PRRC2C: variants seen among roughly 807,000 people sequenced by gnomAD.
PRRC2C encodes protein PRRC2C.
A neutral mutation model predicts 317.2 loss-of-function variants in PRRC2C; 72 were observed. The observed-to-expected ratio is 0.23, with a 90% CI of 0.19 to 0.28. The LOEUF is 0.28. Among genes scored for constraint, PRRC2C ranks in the 10% least tolerant of loss-of-function variants. PRRC2C has a pLI of 1.00. For missense variants in PRRC2C, 3,074 were observed against 3,459.7 expected (o/e 0.89, Z 2.80); for synonymous variants, 1,296 against 1,205.9 (o/e 1.07, Z -1.55).
Position 171,550,181 on chromosome 1 carries a change from AAAC to A in PRRC2C, c.5074_5076del (p.Gln1692del), listed in dbSNP as rs1181128734. The A allele has an allele frequency of 1.9e-6, 3 of 1,607,474 alleles. No homozygotes were observed. Among genetic ancestry groups the A allele is most frequent in the Non-Finnish European group, 2.5e-6 (3 of 1,176,522 alleles). ...TGGTTTTACTGAAGTGGTATCCAAA[AAAC>A]AACAAAAACGTTTACAGGATGAAGA... On this transcript the variant is annotated inframe_deletion, in exon 18 of 35. Coordinates refer to ENST00000647382, the MANE Select transcript of PRRC2C (RefSeq NM_001387844.1).
intron 11 of PRRC2C, among the ~76,000 whole-genome samples, chr1:171,529,967 C>T (rs1675466460): frequency 6.6e-6 from 1 of 152,162 alleles, no homozygotes; most frequent in Non-Finnish European, 1.5e-5. Flanking sequence ...ACCATCGTTT[C>T]CAGCAATCCC....
Position 171,524,949 on chromosome 1 carries a change from G to A in PRRC2C, c.1184G>A (p.Gly395Glu). The A allele has an allele frequency of 6.2e-7, 1 of 1,606,718 alleles. No individual in the cohort carries two copies. Among genetic ancestry groups the A allele is most frequent in the East Asian group, 2.2e-5 (1 of 44,746 alleles). The change falls in exon 10 of 35, where the codon GGA (glycine) becomes GAA (glutamate). Residue 395 changes from glycine to glutamate, a missense_variant. Around this residue, in one of 11 missense-constraint regions of PRRC2C, gnomAD observed 1,320 missense variants for 1,395.7 expected, o/e 0.95. Transcript: ENST00000647382. Reference protein sequence around the residue: ...PSVAKVPYGKGPSFNQERGTS... With the variant: ...PSVAKVPYGKEPSFNQERGTS... ...GTAGCAAAAGTTCCCTATGGGAAAG[G>A]ACCTTCATTTAATCAGGTTTGTTGG... is the stretch of plus-strand genomic sequence containing the variant.
chr1:171,493,399 G>A (rs1667537860), intron 1 of PRRC2C, among the ~76,000 whole-genome samples: 2 of 152,192 alleles, frequency 1.3e-5, no homozygotes, highest in South Asian at 4.1e-4. Context: ...CCTCAGAAGG[G>A]TGAGGTAGGA....
chr1:171,583,712 C>G (rs943366949), intron 28 of PRRC2C, among the ~76,000 whole-genome samples: 2 of 152,086 alleles, frequency 1.3e-5, no homozygotes, highest in Non-Finnish European at 2.9e-5. Context: ...AATACTAGCA[C>G]CAGCAAAAAC....
intron 1 of PRRC2C, among the ~76,000 whole-genome samples, chr1:171,497,399 T>G (rs1668320727): frequency 1.3e-5 from 2 of 152,222 alleles, no homozygotes; most frequent in African/African-American, 4.8e-5. Context: ...TAAGATTGCT[T>G]CTTCATTGGT....
At chr1:171,527,156 A>G (rs4916232) in intron 10 of PRRC2C, among the ~76,000 whole-genome samples, 122,356 of 151,240 alleles carry the variant, frequency 0.81, 49,535 homozygotes, top group Middle Eastern at 0.9. Flanking sequence ...TTTTTGAGAC[A>G]GAGTCTTGCT....
chr1:171,562,753 A>G (rs1393127628), intron 20 of PRRC2C, among the ~76,000 whole-genome samples: 1 of 152,188 alleles, frequency 6.6e-6, no homozygotes, highest in African/African-American at 2.4e-5. Context: ...GTAGTTGGAT[A>G]TGAGTCTGTA....
chr1:171,510,250 A>G (rs1671075531), intron 1 of PRRC2C: 1 of 152,154 alleles, frequency 6.6e-6, no homozygotes, highest in Non-Finnish European at 1.5e-5. Context: ...AGGAAGTTTA[A>G]GGAGTTCTTT....
At chr1:171,509,925 C>T (rs1671000753) in intron 1 of PRRC2C, 1 of 140,860 alleles carries the variant, frequency 7.1e-6, no homozygotes, top group Non-Finnish European at 1.5e-5. Flanking sequence ...GATCTCGGCT[C>T]ACTGCAACCT....
intron 16 of PRRC2C, 103 bp from the exon 17 acceptor site, chr1:171,545,376 A>G (rs1182722457): frequency 3.2e-6 from 3 of 940,914 alleles, no homozygotes; most frequent in East Asian, 2.7e-5. Context: ...TTCTATCCCA[A>G]CAGTGTTTCA....
intron 18 of PRRC2C, among the ~76,000 whole-genome samples, chr1:171,554,666 A>G (rs534710043): frequency 1.2e-4 from 19 of 152,188 alleles, no homozygotes; most frequent in African/African-American, 2.2e-4. Flanking sequence ...GGTGTTGACA[A>G]AATCTCTCAG....
At position 171,559,607 on chromosome 1, in the gene PRRC2C, C is replaced by T. The variant is rs149516376; in HGVS notation, c.6032-1411C>T. ...CTCAATCTCAGCTCACTGCAACCTCCGCCTCCCGGATTCAAGCAATTCCCC... is the reference window on the plus strand; with the variant it reads ...CTCAATCTCAGCTCACTGCAACCTCTGCCTCCCGGATTCAAGCAATTCCCC... On this transcript the variant is annotated intron_variant, in intron 19 of 34. Coordinates refer to ENST00000647382, the MANE Select transcript of PRRC2C (RefSeq NM_001387844.1). Among the ~76,000 whole-genome samples the T allele has an allele frequency of 1.1e-3, 168 of 148,136 alleles. 1 individual carries two copies. The highest frequency in any genetic ancestry group is 3.4e-3 in the African/African-American group (135 of 40,074).
chr1:171,547,364 T>C (rs188994772), intron 17 of PRRC2C, among the ~76,000 whole-genome samples: 25 of 152,192 alleles, frequency 1.6e-4, no homozygotes, highest in African/African-American at 6.0e-4. Flanking sequence ...ACTAAGGAAG[T>C]TGAAATAATA....
At chr1:171,562,576 A>G (rs1682906491) in intron 20 of PRRC2C, among the ~76,000 whole-genome samples, 1 of 152,248 alleles carries the variant, frequency 6.6e-6, no homozygotes, top group Non-Finnish European at 1.5e-5. Context: ...TGAGCTGACA[A>G]GATTTACTAA....
chr1:171,568,098 T>C (rs1684016614), intron 22 of PRRC2C, 149 bp from the exon 23 acceptor site: 2 of 1,183,004 alleles, frequency 1.7e-6, no homozygotes, highest in Non-Finnish European at 2.2e-6. Context: ...GGCACAAGAA[T>C]CACTTGAGCC....
At chr1:171,511,229 T>C (rs1008866484) in intron 1 of PRRC2C, 9 of 152,174 alleles carry the variant, frequency 5.9e-5, no homozygotes, top group Admixed American at 3.9e-4. Flanking sequence ...TAGGTTGATA[T>C]GTATCTACAA....
At chr1:171,520,627 C>T (rs1465163325) in intron 6 of PRRC2C, among the ~76,000 whole-genome samples, 1 of 152,100 alleles carries the variant, frequency 6.6e-6, no homozygotes, top group Admixed American at 6.6e-5. Context: ...TTTAATGCAA[C>T]TTTAGCTATG....
intron 10 of PRRC2C, among the ~76,000 whole-genome samples, chr1:171,525,231 T>C (rs1168854051): frequency 6.6e-6 from 1 of 152,068 alleles, no homozygotes; most frequent in Admixed American, 6.6e-5. Context: ...CATAGCAAAG[T>C]GTAGGGATAA....
In PRRC2C at chr1:171,575,037, T is replaced by C; in HGVS notation, c.6864T>C (p.Ser2288=). The C allele has an allele frequency of 6.2e-7, 1 of 1,613,886 alleles. No individual in the cohort carries two copies. The highest frequency in any genetic ancestry group is 8.5e-7 in the Non-Finnish European group (1 of 1,179,842). Residue 2288 remains serine (S), a synonymous_variant, in exon 25 of 35, where the codon AGT becomes AGC. Coordinates refer to ENST00000647382, the MANE Select transcript of PRRC2C (RefSeq NM_001387844.1). The stretch of plus-strand genomic sequence containing the variant: ...CAACTGGAGTCAGCAGTAGTGCCAG[T>C]GGACCAAGCACTGCTAATTACAATT... The part of the protein sequence containing the change: ...PIATGVSSSA[S]GPSTANYNSF...
Sources: allele counts gnomAD v4.1 joint callset (sites outside exome capture counted in the v4.1 genomes callset), GRCh38; gene constraint gnomAD v4.1.1; regional missense constraint gnomAD v4.1.1; transcripts MANE v1.5; gene names NCBI Gene and HGNC (gene_info 2026-07-23, HGNC 2026-07-21).